The following DNAJC24 variants were observed in gnomAD, a reference collection of about 807,000 sequenced individuals.
DNAJC24 encodes the protein dnaJ homolog subfamily C member 24.
A neutral mutation model predicts 18.0 loss-of-function variants in DNAJC24; 17 were observed. The ratio of observed to expected loss-of-function variants is 0.94; its 90% CI spans 0.65 to 1.42. The LOEUF (loss-of-function observed/expected upper bound fraction) is 1.42, where lower values mean the gene tolerates loss of function less well. Ranked by LOEUF, DNAJC24 falls within the 40% of genes most tolerant of loss-of-function variation. The pLI is 0.00. For missense variants in DNAJC24, 158 were observed against 175.6 expected, an observed-to-expected ratio of 0.90 and a Z score of 0.57; for synonymous variants, 55 against 57.7, an observed-to-expected ratio of 0.95 and a Z score of 0.21.
intron 2 of DNAJC24, chr11:31,396,327 T>G (rs1221380619): frequency 2.2e-6 from 1 of 453,820 alleles, no homozygotes; most frequent in South Asian, 1.6e-5. Context: ...GCTTCTGAGT[T>G]TTATTTGACC....
intron 4 of DNAJC24, chr11:31,429,433 T>C (rs951989231): frequency 2.7e-6 from 1 of 376,554 alleles, no homozygotes; most frequent in African/African-American, 2.0e-5. Flanking sequence ...TAATAATCAA[T>C]TATAATGGTG....
chr11:31,390,099 C>T (rs889138073), intron 2 of DNAJC24, among the ~76,000 whole-genome samples: 4 of 151,978 alleles, frequency 2.6e-5, no homozygotes, highest in Non-Finnish European at 4.4e-5. Context: ...GTAACGAGAT[C>T]GAAGATGTAA....
chr11:31,406,079 A>G lies in DNAJC24; in HGVS notation c.112-8732A>G, dbSNP rs543528409. 1.2e-4 allele frequency among the ~76,000 whole-genome samples: 18 copies of G among 152,328 alleles called. No homozygotes were observed. The South Asian group carries it at 3.3e-3, about 28-fold the overall frequency. On this transcript the variant is annotated intron_variant, in intron 2 of 4. Transcript: ENST00000465995. ...GAGTTTTGGATTGGGCACACGTTCA[A>G]ATCATAGCAGCTACAAATCCTTTTT... is the stretch of plus-strand genomic sequence containing the variant.
intron 3 of DNAJC24, chr11:31,416,874 A>T (rs1282392589): frequency 2.0e-5 from 3 of 152,136 alleles, no homozygotes; most frequent in Non-Finnish European, 4.4e-5. Flanking sequence ...GGTCCTTGGA[A>T]CTGCGGATTT....
chr11:31,427,853 G>GCCTGGAAT (rs1952878306), intron 4 of DNAJC24: 1 of 150,884 alleles, frequency 6.6e-6, no homozygotes, highest in South Asian at 2.1e-4. Flanking sequence ...CGGGCTGGAA[G>GCCTGGAAT]CCTGGAATCC....
chr11:31,373,609 G>A lies in DNAJC24; in HGVS notation c.111+2750G>A, dbSNP rs1952286946. Among the ~76,000 whole-genome samples, 2 of 134,772 alleles carry A rather than the reference G, an allele frequency of 1.5e-5. 1 individual carries two copies. The allele number at this position is 134,772 out of a possible 152,430, so 88.4% of individuals were successfully genotyped here. On this transcript the variant is annotated intron_variant, in intron 2 of 4. Coordinates refer to ENST00000465995, the MANE Select transcript of DNAJC24 (RefSeq NM_181706.5). The stretch of plus-strand genomic sequence containing the variant: ...TGCTTATATTTCCACAGAAATTTTA[G>A]AATCAGCTTGTAAATGTCTACCAAA...
chr11:31,410,888 A>G (rs1304208626), intron 2 of DNAJC24, among the ~76,000 whole-genome samples: 1 of 152,198 alleles, frequency 6.6e-6, no homozygotes, highest in Non-Finnish European at 1.5e-5. Flanking sequence ...AAATTTTGAT[A>G]GGGATTGTAT....
rs1482848646 is a variant in DNAJC24 at position 31,418,175 on chromosome 11, C to T, written c.250+3226C>T. ...AAACTTATTGTTTCTGAGGATGCCTCCAAAGGCTGCTTCCAGTGTTCCCCT... is the reference window on the plus strand; with the variant it reads ...AAACTTATTGTTTCTGAGGATGCCTTCAAAGGCTGCTTCCAGTGTTCCCCT... On this transcript the variant is annotated intron_variant, in intron 3 of 4. Transcript: ENST00000465995. Among the ~76,000 whole-genome samples, 3 of 152,056 alleles carry T rather than the reference C, an allele frequency of 2.0e-5. No homozygotes were observed. The South Asian group carries it at 6.2e-4, about 32-fold the overall frequency.
intron 2 of DNAJC24, among the ~76,000 whole-genome samples, chr11:31,382,748 G>A (rs1218555264): frequency 2.0e-5 from 3 of 152,120 alleles, no homozygotes; most frequent in Non-Finnish European, 4.4e-5. Context: ...TTCTCCAGTG[G>A]ACACCAATTG....
At chr11:31,421,232 A>T (rs777455570) in intron 3 of DNAJC24, among the ~76,000 whole-genome samples, 2 of 152,206 alleles carry the variant, frequency 1.3e-5, no homozygotes, top group African/African-American at 2.4e-5. Context: ...CACATAAAAA[A>T]TGTAATTATG....
intron 2 of DNAJC24, among the ~76,000 whole-genome samples, chr11:31,404,003 C>T (rs549223164): frequency 5.3e-5 from 8 of 152,176 alleles, no homozygotes; most frequent in Non-Finnish European, 1.2e-4. Context: ...TTATTCCTGT[C>T]TCCCCTTTTT....
intron 1 of DNAJC24, 31 bp from the exon 2 acceptor site, chr11:31,370,683 CTG>C (rs1952220995): frequency 9.1e-7 from 1 of 1,100,250 alleles, no homozygotes. Context: ...ACATGGCAAA[CTG>C]TGATGAATTG....
rs532325318 is a variant in DNAJC24 at position 31,411,129 on chromosome 11, C to A, written c.112-3682C>A. Among the ~76,000 whole-genome samples the A allele has an allele frequency of 3.9e-5, 6 of 152,182 alleles. No individual in the cohort carries two copies. The South Asian group carries it at 1.2e-3, about 32-fold the overall frequency. On this transcript the variant is annotated intron_variant, in intron 2 of 4. Transcript: ENST00000465995. ...GTCTTTTAGGATCATAATGAGTCGACCTCCCACAGGATAGGTCAGATTTAG... is the reference window on the plus strand; with the variant it reads ...GTCTTTTAGGATCATAATGAGTCGAACTCCCACAGGATAGGTCAGATTTAG...
At chr11:31,405,506 T>G (rs1053469066) in intron 2 of DNAJC24, among the ~76,000 whole-genome samples, 1 of 152,086 alleles carries the variant, frequency 6.6e-6, no homozygotes, top group African/African-American at 2.4e-5. Context: ...TTGAGACAAT[T>G]TTTTTGCATC....
At chr11:31,422,202 C>G (rs1183336427) in intron 3 of DNAJC24, 1 of 181,294 alleles carries the variant, frequency 5.5e-6, no homozygotes, top group Non-Finnish European at 1.2e-5. Flanking sequence ...GTACTGACTT[C>G]TTTATGTAAA....
chr11:31,425,892 T>C (rs1045985704), intron 3 of DNAJC24, among the ~76,000 whole-genome samples: 10 of 152,188 alleles, frequency 6.6e-5, no homozygotes, highest in African/African-American at 1.2e-4. Flanking sequence ...CAGATAGTTA[T>C]TTTTATCTAA....
chr11:31,428,612 T>C (rs1952888707), intron 4 of DNAJC24, among the ~76,000 whole-genome samples: 1 of 152,138 alleles, frequency 6.6e-6, no homozygotes, highest in Non-Finnish European at 1.5e-5. Context: ...AGCCAAATTG[T>C]TGGTTGCCTG....
chr11:31,418,752 T>G (rs981340112), intron 3 of DNAJC24, among the ~76,000 whole-genome samples: 4 of 152,032 alleles, frequency 2.6e-5, no homozygotes, highest in Non-Finnish European at 5.9e-5. Context: ...GTAAAGTGAG[T>G]GTGCCTTTGC....
chr11:31,413,773 C>T (rs1952731369), intron 2 of DNAJC24, among the ~76,000 whole-genome samples: 2 of 152,086 alleles, frequency 1.3e-5, no homozygotes. Flanking sequence ...GCTGGGAGTT[C>T]CTTATTTACT....
Sources: gnomAD v4.1 joint callset for allele counts (sites outside exome capture counted in the v4.1 genomes callset) on GRCh38, gnomAD v4.1.1 for gene constraint, MANE v1.5 for transcripts, NCBI Gene and HGNC (gene_info 2026-07-23, HGNC 2026-07-21) for gene names.